Variants in USP15 observed in about 807,000 individuals in gnomAD.
USP15 encodes the protein ubiquitin specific peptidase 15.
In USP15, 18 loss-of-function variants were observed where a neutral mutation model predicts 127.1. The observed-to-expected ratio is 0.14, with a 90% confidence interval of 0.10 to 0.21. USP15 has a LOEUF of 0.21. Ranked by LOEUF, USP15 falls within the 10% of genes least tolerant of loss-of-function variation. The pLI is 1.00. For missense variants in USP15, 805 were observed against 1,159.9 expected, an observed-to-expected ratio of 0.69 and a Z score of 4.44; for synonymous variants, 364 against 393.7, an observed-to-expected ratio of 0.92 and a Z score of 0.89.
At chr12:62,315,860 A>T (rs919615404) in intron 4 of USP15, among the ~76,000 whole-genome samples, 1 of 152,212 alleles carries the variant, frequency 6.6e-6, no homozygotes, top group Non-Finnish European at 1.5e-5. Flanking sequence ...AAATAGTAGC[A>T]TTATTCAAGT....
intron 8 of USP15, among the ~76,000 whole-genome samples, chr12:62,358,054 T>C (rs1483364709): frequency 1.3e-5 from 2 of 152,160 alleles, no homozygotes. Flanking sequence ...AAATATTATC[T>C]CTACTGACAA....
chr12:62,326,098 CTTAA>C (rs2065113842), intron 6 of USP15, among the ~76,000 whole-genome samples, 165 bp downstream of exon 6: 1 of 152,208 alleles, frequency 6.6e-6, no homozygotes, highest in South Asian at 2.1e-4. Flanking sequence ...TAAATTTGCT[CTTAA>C]TTAATATGTT....
chr12:62,376,647 T>A (rs2066838676), intron 8 of USP15, among the ~76,000 whole-genome samples: 1 of 152,130 alleles, frequency 6.6e-6, no homozygotes, highest in Non-Finnish European at 1.5e-5. Context: ...ACTAATACTG[T>A]TTATATAATC....
chr12:62,319,636 G>T (rs2064928395), intron 4 of USP15, among the ~76,000 whole-genome samples: 1 of 152,032 alleles, frequency 6.6e-6, no homozygotes, highest in Non-Finnish European at 1.5e-5. Flanking sequence ...GCACCTCAAG[G>T]CTTTTGCGTT....
chr12:62,391,542 T>C, intron 16 of USP15, 113 bp downstream of exon 16: 1 of 1,349,668 alleles, frequency 7.4e-7, no homozygotes, highest in Non-Finnish European at 1.0e-6. Flanking sequence ...TTTACTTTTC[T>C]ATCTCAAATT....
In USP15 at chr12:62,340,016, G is replaced by A. The variant is rs182744955; in HGVS notation, c.684-9205G>A. Among the ~76,000 whole-genome samples the A allele has an allele frequency of 1.5e-3, 229 of 152,130 alleles. 2 individuals are homozygous for A. The highest frequency in any genetic ancestry group is 5.3e-3 in the African/African-American group (218 of 41,480). ...TTTGGCTGTGAATCAGTCTGGTCCT[G>A]GGCCTTTTGTGGTTGGTAGGCTATT... On this transcript the variant is annotated intron_variant, in intron 6 of 21. Transcript: ENST00000280377.
At chr12:62,265,213 A>G (rs2063164545) in intron 1 of USP15, among the ~76,000 whole-genome samples, 1 of 152,208 alleles carries the variant, frequency 6.6e-6, no homozygotes, top group Non-Finnish European at 1.5e-5. Context: ...CATATAAGGC[A>G]TTAAATGACC....
In USP15 at chr12:62,410,924, T is replaced by C. The variant is rs892543081; in HGVS notation, c.*6549T>C. 1 of 152,064 alleles carries C rather than the reference T, an allele frequency of 6.6e-6. No individual in the cohort carries two copies. Among genetic ancestry groups the C allele is most frequent in the Admixed American group, 6.6e-5 (1 of 15,244 alleles). The allele number at this position is 152,064 out of a possible 1,614,324, so 9.4% of individuals were successfully genotyped here. On this transcript the variant is annotated 3_prime_UTR_variant, in exon 22 of 22. Coordinates refer to ENST00000280377, the MANE Select transcript of USP15 (RefSeq NM_001252078.2). ...CAGAAGTCTTAGTATGATGGTAAAC[T>C]TGAAAATTAAAATTTTATCAGGGAT... is the stretch of plus-strand genomic sequence containing the variant.
rs1457712800 is a variant in USP15 at position 62,411,681 on chromosome 12, A to T, written c.*7306A>T. Reference sequence around the variant, plus strand: ...GCTCAGGCTGCCATAACAAACACAGACTGGGTGGCTTAAATAACAGAAATT... The same window carrying T: ...GCTCAGGCTGCCATAACAAACACAGTCTGGGTGGCTTAAATAACAGAAATT... On this transcript the variant is annotated 3_prime_UTR_variant, in exon 22 of 22. Transcript: ENST00000280377. 1 of 152,198 alleles carries T rather than the reference A, an allele frequency of 6.6e-6. No homozygotes were observed. Among genetic ancestry groups the T allele is most frequent in the Admixed American group, 6.5e-5 (1 of 15,272 alleles). The allele number at this position is 152,198 out of a possible 1,614,324, so 9.4% of individuals were successfully genotyped here.
chr12:62,336,337 C>A, intron 6 of USP15: 1 of 985,378 alleles, frequency 1.0e-6, no homozygotes, highest in Non-Finnish European at 1.2e-6. Context: ...TTCTCCCATC[C>A]CCTCAACCTA....
At chr12:62,261,093 A>T (rs2063041123) in intron 1 of USP15, among the ~76,000 whole-genome samples, 1 of 151,788 alleles carries the variant, frequency 6.6e-6, no homozygotes, top group South Asian at 2.1e-4. Flanking sequence ...GGAGTAGGGA[A>T]CCTTGGGCTT....
At chr12:62,361,058 T>C (rs1220585605) in intron 8 of USP15, among the ~76,000 whole-genome samples, 2 of 152,046 alleles carry the variant, frequency 1.3e-5, no homozygotes, top group African/African-American at 2.4e-5. Context: ...TGGACTAGAA[T>C]AGCCCTTCCT....
At chr12:62,392,170 G>C (rs540084667) in intron 17 of USP15, 102 bp from the exon 18 acceptor site, 1 of 822,056 alleles carries the variant, frequency 1.2e-6, no homozygotes, top group South Asian at 1.7e-5. Context: ...TGATTCTTTT[G>C]AGAAAGTTTA....
chr12:62,362,192 G>T (rs2066339083), intron 8 of USP15, among the ~76,000 whole-genome samples: 1 of 151,852 alleles, frequency 6.6e-6, no homozygotes, highest in South Asian at 2.1e-4. Flanking sequence ...GTATTTTTTT[G>T]AAATTATGCC....
At chr12:62,294,066 C>A in intron 1 of USP15, 113 bp from the exon 2 acceptor site, 1 of 1,124,886 alleles carries the variant, frequency 8.9e-7, no homozygotes, top group South Asian at 1.7e-5. Flanking sequence ...TTCAAATATC[C>A]TTTGAAGTAG....
rs1204605650 is a variant in USP15, at chr12:62,314,112, C to T, written c.349-678C>T. The T allele has an allele frequency of 4.8e-6, 3 of 622,798 alleles. No homozygotes were observed. The East Asian group carries it at 4.1e-4, about 85-fold the overall frequency. 38.6% of individuals were successfully genotyped at this position (622,798 alleles called of 1,614,324 possible). On this transcript the variant is annotated intron_variant, in intron 3 of 21. Transcript: ENST00000280377. ...CTTTTTATGCTTTATGGCTTGCATG[C>T]TTAACAGCTTTCTTTTAATTGCTGC... is the stretch of plus-strand genomic sequence containing the variant.
chr12:62,386,123 G>C (rs907216127), intron 11 of USP15, among the ~76,000 whole-genome samples: 3 of 150,778 alleles, frequency 2.0e-5, no homozygotes, highest in Admixed American at 2.0e-4. Flanking sequence ...GCGGAGGTTA[G>C]AGCCATGGTT....
intron 2 of USP15, among the ~76,000 whole-genome samples, chr12:62,300,160 T>G (rs946217957): frequency 6.6e-6 from 1 of 150,534 alleles, no homozygotes; most frequent in South Asian, 2.1e-4. Context: ...TTAAGTCCAA[T>G]TTGCCTTTTT....
At chr12:62,349,133 C>T (rs934168093) in intron 6 of USP15, 88 bp from the exon 7 acceptor site, 2 of 784,082 alleles carry the variant, frequency 2.6e-6, no homozygotes, top group Non-Finnish European at 3.6e-6. Context: ...TCATTTACTA[C>T]AAACATTGTC....
Sources: gnomAD v4.1 joint callset for allele counts (sites outside exome capture counted in the v4.1 genomes callset) on GRCh38, gnomAD v4.1.1 for gene constraint, MANE v1.5 for transcripts, NCBI Gene and HGNC (gene_info 2026-07-23, HGNC 2026-07-21) for gene names.